The following BMP6 variants were observed in gnomAD, a reference collection of about 807,000 sequenced individuals.
BMP6 encodes VG-1-R.
A neutral mutation model predicts 54.1 loss-of-function variants in BMP6; 17 were observed. That is an observed-to-expected ratio of 0.31 (90% CI 0.22 to 0.47). The LOEUF is 0.47. BMP6 is among the 20% of genes least tolerant of loss of function. The probability of loss-of-function intolerance (pLI) is 1.00; values close to 1 mark genes in which losing one functional copy is unlikely to be tolerated. For synonymous variants in BMP6, 328 were observed against 291.2 expected (o/e 1.13, Z -1.28); for missense variants, 720 against 690.4 (o/e 1.04, Z -0.48).
At chr6:7,731,979 T>A (rs1761867632) in intron 1 of BMP6, among the ~76,000 whole-genome samples, 1 of 152,188 alleles carries the variant, frequency 6.6e-6, no homozygotes, top group Non-Finnish European at 1.5e-5. Flanking sequence ...CAGTATATAT[T>A]AGTACAAGCA....
chr6:7,825,645 G>T (rs994822555), intron 1 of BMP6, among the ~76,000 whole-genome samples: 1 of 151,972 alleles, frequency 6.6e-6, no homozygotes, highest in Non-Finnish European at 1.5e-5. Context: ...ACTTGAACCC[G>T]GGAGGCAGAG....
intron 1 of BMP6, among the ~76,000 whole-genome samples, chr6:7,756,308 T>A (rs1757513957): frequency 6.6e-6 from 1 of 152,208 alleles, no homozygotes; most frequent in Non-Finnish European, 1.5e-5. Context: ...TAATACCATC[T>A]AATGCATTTT....
intron 2 of BMP6, among the ~76,000 whole-genome samples, chr6:7,854,430 T>G (rs1759192866): frequency 6.6e-6 from 1 of 152,216 alleles, no homozygotes; most frequent in South Asian, 2.1e-4. Context: ...TTTCCCCACC[T>G]TGGACGGGAA....
chr6:7,827,275 T>C (rs1413453490), intron 1 of BMP6, among the ~76,000 whole-genome samples: 1 of 152,152 alleles, frequency 6.6e-6, no homozygotes, highest in Non-Finnish European at 1.5e-5. Context: ...GCACGTTAAG[T>C]GAGCAGTTTA....
At chr6:7,741,934 C>A (rs1757273034) in intron 1 of BMP6, among the ~76,000 whole-genome samples, 1 of 152,238 alleles carries the variant, frequency 6.6e-6, no homozygotes, top group Non-Finnish European at 1.5e-5. Context: ...CTCCTCCCCC[C>A]AAGTGCCTAG....
intron 1 of BMP6, among the ~76,000 whole-genome samples, chr6:7,763,951 G>A (rs1399477402): frequency 6.6e-6 from 1 of 152,202 alleles, no homozygotes; most frequent in Admixed American, 6.5e-5. Context: ...GTTGGATCAA[G>A]CGTATGTGTC....
Position 7,836,013 on chromosome 6 carries a change from G to A in BMP6, c.665-9127G>A, listed in dbSNP as rs530000101. Reference sequence around the variant, plus strand: ...CACCAAGCCCTTCTGACTAACTTTTGTATTTTTAATAGAGGCAAGGTTTCC... The same window carrying A: ...CACCAAGCCCTTCTGACTAACTTTTATATTTTTAATAGAGGCAAGGTTTCC... On this transcript the variant is annotated intron_variant, in intron 1 of 6. Transcript: ENST00000283147. Among the ~76,000 whole-genome samples the A allele has an allele frequency of 1.6e-3, 250 of 152,012 alleles. 4 individuals are homozygous for A. Among genetic ancestry groups the A allele is most frequent in the Non-Finnish European group, 2.2e-3 (148 of 67,958 alleles).
At chr6:7,859,339 C>G (rs1038341666) in intron 2 of BMP6, among the ~76,000 whole-genome samples, 2 of 151,924 alleles carry the variant, frequency 1.3e-5, no homozygotes, top group African/African-American at 4.8e-5. Context: ...TTCTCTGTAT[C>G]CTTATTATAA....
intron 1 of BMP6, among the ~76,000 whole-genome samples, chr6:7,817,465 A>G (rs949553016): frequency 2.0e-5 from 3 of 151,974 alleles, no homozygotes; most frequent in Non-Finnish European, 4.4e-5. Flanking sequence ...CTGAGAAACT[A>G]TCACAAGGAC....
intron 1 of BMP6, among the ~76,000 whole-genome samples, chr6:7,819,985 G>A (rs187229800): frequency 1.1e-4 from 17 of 152,152 alleles, no homozygotes; most frequent in African/African-American, 4.1e-4. Context: ...GGATATTGGT[G>A]GTCTGTTTAA....
chr6:7,802,715 C>G (rs113726615), intron 1 of BMP6, among the ~76,000 whole-genome samples: 1 of 152,118 alleles, frequency 6.6e-6, no homozygotes, highest in Non-Finnish European at 1.5e-5. Flanking sequence ...GTGGCAGTGT[C>G]CTTGGATGGA....
intron 1 of BMP6, among the ~76,000 whole-genome samples, chr6:7,818,262 G>A (rs918276028): frequency 2.0e-5 from 3 of 152,098 alleles, no homozygotes; most frequent in African/African-American, 7.2e-5. Flanking sequence ...CAAGATGAGC[G>A]TGGCAACCTC....
chr6:7,877,730 A>G (rs947974717), intron 4 of BMP6, among the ~76,000 whole-genome samples: 3 of 152,228 alleles, frequency 2.0e-5, no homozygotes, highest in African/African-American at 7.2e-5. Flanking sequence ...GGCTTTCAAC[A>G]ATTAGGTGAC....
intron 1 of BMP6, among the ~76,000 whole-genome samples, chr6:7,813,666 AAAACC>A (rs1758476886): frequency 9.1e-6 from 1 of 109,958 alleles, no homozygotes; most frequent in Non-Finnish European, 1.9e-5. Context: ...AAAAAAAAAA[AAAACC>A]CACCAAACCC....
At chr6:7,755,629 T>G (rs1268826845) in intron 1 of BMP6, among the ~76,000 whole-genome samples, 1 of 152,192 alleles carries the variant, frequency 6.6e-6, no homozygotes, top group African/African-American at 2.4e-5. Flanking sequence ...TTACCATTTC[T>G]CACACTCTTT....
At chr6:7,735,126 G>A (rs1029852332) in intron 1 of BMP6, among the ~76,000 whole-genome samples, 1 of 152,244 alleles carries the variant, frequency 6.6e-6, no homozygotes, top group African/African-American at 2.4e-5. Flanking sequence ...CGGAGGCAGA[G>A]CCCCGGAGCC....
chr6:7,751,588 C>T (rs560863469), intron 1 of BMP6, among the ~76,000 whole-genome samples: 5 of 152,242 alleles, frequency 3.3e-5, no homozygotes, highest in African/African-American at 1.2e-4. Flanking sequence ...AAAGATCTGG[C>T]GATCTGGATT....
At chr6:7,789,948 C>G (rs142557883) in intron 1 of BMP6, among the ~76,000 whole-genome samples, 60 of 152,020 alleles carry the variant, frequency 3.9e-4, no homozygotes, top group Non-Finnish European at 7.4e-4. Context: ...ATGAAATGAC[C>G]AACTCAGCCT....
intron 1 of BMP6, among the ~76,000 whole-genome samples, chr6:7,770,395 G>A (rs933159159): frequency 6.6e-6 from 1 of 152,178 alleles, no homozygotes; most frequent in African/African-American, 2.4e-5. Flanking sequence ...GGAACCACAT[G>A]TAACAATTGG....
Sources: allele counts gnomAD v4.1 joint callset (sites outside exome capture counted in the v4.1 genomes callset), GRCh38; gene constraint gnomAD v4.1.1; transcripts MANE v1.5; gene names NCBI Gene and HGNC (gene_info 2026-07-23, HGNC 2026-07-21).